The following RNGTT variants were observed in gnomAD, a reference collection of about 807,000 sequenced individuals.
RNGTT encodes the protein RNA guanylyltransferase and 5'-phosphatase.
RNGTT carries 33 observed loss-of-function variants against 79.3 expected under a neutral mutation model. The observed-to-expected ratio is 0.42, with a 90% CI of 0.32 to 0.56. RNGTT has a LOEUF of 0.56. Ranked by LOEUF, RNGTT falls within the 20% of genes least tolerant of loss-of-function variation. The pLI is 0.17. For synonymous variants in RNGTT, 222 were observed against 235.9 expected, an observed-to-expected ratio of 0.94 and a Z score of 0.54; for missense variants, 497 against 739.1, an observed-to-expected ratio of 0.67 and a Z score of 3.80.
At chr6:88,695,924 C>T (rs1294735882) in intron 13 of RNGTT, among the ~76,000 whole-genome samples, 1 of 152,190 alleles carries the variant, frequency 6.6e-6, no homozygotes, top group Non-Finnish European at 1.5e-5. Context: ...GCATGATGTT[C>T]TCACTTACAT....
At chr6:88,939,602 G>A (rs1437881215) in intron 2 of RNGTT, among the ~76,000 whole-genome samples, 1 of 151,828 alleles carries the variant, frequency 6.6e-6, no homozygotes, top group African/African-American at 2.4e-5. Flanking sequence ...TGAATTATCT[G>A]TCCACCATTT....
chr6:88,657,491 T>G (rs1036202687), intron 14 of RNGTT, among the ~76,000 whole-genome samples: 1 of 152,078 alleles, frequency 6.6e-6, no homozygotes, highest in African/African-American at 2.4e-5. Context: ...CTAGATGAAC[T>G]CTGTAATAAT....
At chr6:88,706,931 C>T (rs1170580829) in intron 13 of RNGTT, among the ~76,000 whole-genome samples, 2 of 151,552 alleles carry the variant, frequency 1.3e-5, no homozygotes, top group Non-Finnish European at 2.9e-5. Context: ...CATCAAACGA[C>T]GAAGACATTA....
intron 14 of RNGTT, among the ~76,000 whole-genome samples, chr6:88,615,180 G>T (rs1421058144): frequency 6.6e-6 from 1 of 152,196 alleles, no homozygotes; most frequent in East Asian, 1.9e-4. Context: ...TCAAATGCCA[G>T]TCATGGTAAT....
chr6:88,671,958 A>C (rs937425464), intron 14 of RNGTT, among the ~76,000 whole-genome samples: 1 of 152,160 alleles, frequency 6.6e-6, no homozygotes, highest in African/African-American at 2.4e-5. Context: ...TAAAAAAATC[A>C]ACTCAAGACA....
chr6:88,948,488 G>C (rs1222363111), intron 1 of RNGTT, among the ~76,000 whole-genome samples: 2 of 134,156 alleles, frequency 1.5e-5, no homozygotes, highest in East Asian at 2.3e-4. Flanking sequence ...GGAGGGAGGT[G>C]GGGGGGTCAG....
intron 2 of RNGTT, among the ~76,000 whole-genome samples, chr6:88,940,464 T>G (rs889353756): frequency 3.3e-5 from 5 of 152,180 alleles, no homozygotes; most frequent in African/African-American, 9.7e-5. Context: ...TAAAGCACTT[T>G]GGTTATGATT....
chr6:88,710,311 G>A (rs1323341091), intron 13 of RNGTT, among the ~76,000 whole-genome samples: 2 of 152,190 alleles, frequency 1.3e-5, no homozygotes, highest in Non-Finnish European at 2.9e-5. Context: ...TCATACATAT[G>A]TATTTAAATA....
At chr6:88,821,660 T>C (rs182687632) in intron 11 of RNGTT, among the ~76,000 whole-genome samples, 1 of 151,962 alleles carries the variant, frequency 6.6e-6, no homozygotes, top group East Asian at 1.9e-4. Context: ...AAAATATGCC[T>C]AAGCAAACTG....
chr6:88,834,051 A>T (rs1357386045), intron 11 of RNGTT, among the ~76,000 whole-genome samples: 1 of 152,178 alleles, frequency 6.6e-6, no homozygotes, highest in Non-Finnish European at 1.5e-5. Flanking sequence ...AAATAAAATA[A>T]TAATCATCAT....
intron 12 of RNGTT, among the ~76,000 whole-genome samples, chr6:88,797,941 CAAAAAA>C (rs143559265): frequency 1.7e-4 from 11 of 65,812 alleles, no homozygotes; most frequent in African/African-American, 6.3e-4. Context: ...AAGCAAAAGC[CAAAAAA>C]AAAAAAAAAA....
intron 4 of RNGTT, among the ~76,000 whole-genome samples, chr6:88,909,165 A>G (rs934035927): frequency 1.3e-5 from 2 of 152,222 alleles, no homozygotes; most frequent in Non-Finnish European, 2.9e-5. Context: ...CTTCCCCAGG[A>G]AGCTCCGTGG....
chr6:88,764,212 A>G (rs1287228323), intron 13 of RNGTT, among the ~76,000 whole-genome samples: 1 of 152,178 alleles, frequency 6.6e-6, no homozygotes, highest in African/African-American at 2.4e-5. Context: ...AGACTTTTTC[A>G]TCTCTTCAGT....
chr6:88,801,477 C>CATGTGT (rs1312843917), intron 12 of RNGTT, 87 bp downstream of exon 12: 2 of 985,378 alleles, frequency 2.0e-6, no homozygotes, highest in Admixed American at 2.1e-5. Context: ...TTGAGGCATA[C>CATGTGT]ATGTGTATGT....
At chr6:88,876,719 G>C (rs894725189) in intron 8 of RNGTT, among the ~76,000 whole-genome samples, 2 of 152,130 alleles carry the variant, frequency 1.3e-5, no homozygotes, top group African/African-American at 4.8e-5. Flanking sequence ...CTATATAGGG[G>C]AAAAAATGTT....
chr6:88,931,846 C>T (rs919696472), intron 2 of RNGTT, among the ~76,000 whole-genome samples: 73 of 152,118 alleles, frequency 4.8e-4, no homozygotes, highest in African/African-American at 1.6e-3. Flanking sequence ...CCATCATCTT[C>T]GTAAGCTGAG....
chr6:88,749,839 T>A (rs1175897663), intron 13 of RNGTT, among the ~76,000 whole-genome samples: 1 of 152,166 alleles, frequency 6.6e-6, no homozygotes, highest in African/African-American at 2.4e-5. Flanking sequence ...TGTCTGATAA[T>A]CAAGATGTAG....
chr6:88,680,493 G>A (rs2127790678), intron 13 of RNGTT, among the ~76,000 whole-genome samples: 1 of 152,194 alleles, frequency 6.6e-6, no homozygotes, highest in South Asian at 2.1e-4. Context: ...TGTAATCCCA[G>A]CACTTTGGGA....
chr6:88,845,276 T>TA (rs1562282507), intron 10 of RNGTT, among the ~76,000 whole-genome samples: 8 of 152,124 alleles, frequency 5.3e-5, no homozygotes. Flanking sequence ...GAAGTTTACA[T>TA]AATATGTTCA....
Sources: allele counts gnomAD v4.1 joint callset (sites outside exome capture counted in the v4.1 genomes callset), GRCh38; gene constraint gnomAD v4.1.1; transcripts MANE v1.5; gene names NCBI Gene and HGNC (gene_info 2026-07-23, HGNC 2026-07-21).